The following P3H2 variants were observed in gnomAD, a reference collection of about 807,000 sequenced individuals.
P3H2 encodes leprecan-like 1.
P3H2 carries 80 observed loss-of-function variants against 87.0 expected under a neutral mutation model. The ratio of observed to expected loss-of-function variants is 0.92; its 90% CI spans 0.77 to 1.11. The LOEUF (loss-of-function observed/expected upper bound fraction) is 1.11. P3H2 is among the 50% of genes least tolerant of loss of function. The pLI is 0.00. For synonymous variants in P3H2, 367 were observed against 359.3 expected, an observed-to-expected ratio of 1.02 and a Z score of -0.24; for missense variants, 1,001 against 923.9, an observed-to-expected ratio of 1.08 and a Z score of -1.08.
chr3:189,982,969 T>C (rs982279720), intron 8 of P3H2, 77 bp downstream of exon 8: 35 of 1,100,132 alleles, frequency 3.2e-5, no homozygotes, highest in Non-Finnish European at 4.9e-5. Flanking sequence ...GGGTTCTTCC[T>C]TGATCTGGAA....
At chr3:189,989,172 C>G (rs944103229) in intron 3 of P3H2, 134 bp from the exon 4 acceptor site, 1 of 1,089,622 alleles carries the variant, frequency 9.2e-7, no homozygotes, top group Admixed American at 2.0e-5. Flanking sequence ...TCCTCACTTC[C>G]GGACTGCAAA....
At position 190,120,886 on chromosome 3, in the gene P3H2, G is replaced by T; in HGVS notation, c.-155C>A. ...CCCCAGGTGACCGCCGGCGCTCCGC[G>T]TACTGAGAGGCGGAGGCCGTGCCTG... On this transcript the variant is annotated 5_prime_UTR_variant, in exon 1 of 15. Coordinates refer to ENST00000319332, the MANE Select transcript of P3H2 (RefSeq NM_018192.4). The T allele has an allele frequency of 8.2e-7, 1 of 1,226,152 alleles. No homozygotes were observed. The highest frequency in any genetic ancestry group is 1.7e-5 in the South Asian group (1 of 59,876). 76.0% of individuals were successfully genotyped at this position (1,226,152 alleles called of 1,614,324 possible). A position where few individuals can be genotyped will look rare whatever the true frequency, so the allele number is the denominator to read the frequency against.
intron 1 of P3H2, among the ~76,000 whole-genome samples, chr3:190,016,042 C>T (rs1174992741): frequency 6.6e-6 from 1 of 152,134 alleles, no homozygotes; most frequent in African/African-American, 2.4e-5. Flanking sequence ...TATTAAATGT[C>T]CTTGCTCTTT....
chr3:190,097,551 A>G (rs1265560243), intron 1 of P3H2, among the ~76,000 whole-genome samples: 1 of 151,982 alleles, frequency 6.6e-6, no homozygotes, highest in Non-Finnish European at 1.5e-5. Context: ...TCACAGGTAC[A>G]TATTCCCCTT....
chr3:190,092,866 T>G (rs779888947), intron 1 of P3H2, among the ~76,000 whole-genome samples: 1 of 152,180 alleles, frequency 6.6e-6, no homozygotes, highest in Non-Finnish European at 1.5e-5. Flanking sequence ...AGAACCACAA[T>G]CCATCAATCA....
intron 8 of P3H2, among the ~76,000 whole-genome samples, chr3:189,981,491 A>T (rs1723533131): frequency 6.6e-6 from 1 of 152,198 alleles, no homozygotes; most frequent in Non-Finnish European, 1.5e-5. Flanking sequence ...AGGTAAAAAA[A>T]AATTTTTTTT....
chr3:189,995,438 T>G lies in P3H2; in HGVS notation c.485A>C (p.Asn162Thr), dbSNP rs1724024463. ...TGCTTCCACTGCTTTTTCGAGCTGG[T>G]TAAGCTAAAGAGAAAAAAAAATGAC... is the stretch of plus-strand genomic sequence containing the variant. ...NYLQRAYIKL[N>T]QLEKAVEAAH... is the part of the protein sequence containing the mutation. The change falls in exon 2 of 15, where the codon AAC becomes ACC. Residue 162 changes from asparagine to threonine, a missense_variant. Transcript: ENST00000319332. The G allele has an allele frequency of 6.2e-7, 1 of 1,613,340 alleles. No individual in the cohort carries two copies. Among genetic ancestry groups the G allele is most frequent in the African/African-American group, 1.3e-5 (1 of 74,852 alleles).
intron 1 of P3H2, among the ~76,000 whole-genome samples, chr3:190,076,838 A>T (rs1577311819): frequency 6.6e-6 from 1 of 152,168 alleles, no homozygotes; most frequent in Admixed American, 6.5e-5. Flanking sequence ...AGTAATGATG[A>T]TTCATTTTAT....
At chr3:190,008,828 G>T (rs1423342807) in intron 1 of P3H2, among the ~76,000 whole-genome samples, 4 of 152,132 alleles carry the variant, frequency 2.6e-5, no homozygotes, top group Non-Finnish European at 4.4e-5. Context: ...ACAGTGGGGA[G>T]AAATCTGAGA....
chr3:190,030,180 C>G (rs1725209871), intron 1 of P3H2, among the ~76,000 whole-genome samples: 1 of 151,910 alleles, frequency 6.6e-6, no homozygotes, highest in Non-Finnish European at 1.5e-5. Context: ...ATTCCATACA[C>G]AGAACCTGAA....
intron 1 of P3H2, among the ~76,000 whole-genome samples, chr3:190,015,508 C>T (rs1240001357): frequency 2.0e-5 from 3 of 152,268 alleles, no homozygotes; most frequent in East Asian, 1.9e-4. Flanking sequence ...CCAATACCAG[C>T]GTTCTATGGT....
chr3:190,114,045 A>G (rs1249110925), intron 1 of P3H2, among the ~76,000 whole-genome samples: 1 of 112,828 alleles, frequency 8.9e-6, no homozygotes, highest in African/African-American at 3.7e-5. Flanking sequence ...TCGCCACCAC[A>G]CTCCAGCCTG....
chr3:190,085,358 A>G (rs1031548443), intron 1 of P3H2, among the ~76,000 whole-genome samples: 5 of 152,224 alleles, frequency 3.3e-5, no homozygotes, highest in African/African-American at 9.6e-5. Context: ...GACATACTCA[A>G]AGGTAGCTTA....
intron 1 of P3H2, among the ~76,000 whole-genome samples, chr3:190,064,015 A>G (rs1226866575): frequency 7.3e-6 from 1 of 137,304 alleles, no homozygotes; most frequent in Non-Finnish European, 1.5e-5. Flanking sequence ...TTTTTTTGAG[A>G]CAGGGTCTCA....
At chr3:190,119,999 T>A (rs1224344430) in intron 1 of P3H2, among the ~76,000 whole-genome samples, 1 of 152,130 alleles carries the variant, frequency 6.6e-6, no homozygotes, top group Non-Finnish European at 1.5e-5. Flanking sequence ...ACTTTAAACA[T>A]CACCTTATCA....
At chr3:190,076,143 T>C (rs567880354) in intron 1 of P3H2, among the ~76,000 whole-genome samples, 255 of 150,430 alleles carry the variant, frequency 1.7e-3, no homozygotes, top group African/African-American at 5.7e-3. Flanking sequence ...TTTCCAGCCA[T>C]ATTAAGATAT....
At chr3:190,035,330 T>C (rs1434679905) in intron 1 of P3H2, among the ~76,000 whole-genome samples, 1 of 152,216 alleles carries the variant, frequency 6.6e-6, no homozygotes, top group African/African-American at 2.4e-5. Context: ...TGGTTCATTC[T>C]ATTTAATAGG....
chr3:189,970,191 A>AATATATATATATATATATAT (rs71175322), intron 13 of P3H2, among the ~76,000 whole-genome samples: 1,183 of 53,666 alleles, frequency 0.022, 59 homozygotes, highest in Non-Finnish European at 0.023. Context: ...TATATATGCA[A>AATATATATATATATATATAT]ATATATATAT....
chr3:189,980,477 C>T (rs780996538), intron 8 of P3H2, among the ~76,000 whole-genome samples: 3 of 151,898 alleles, frequency 2.0e-5, no homozygotes, highest in South Asian at 4.2e-4. Context: ...GCAGAAGAAT[C>T]GCTTGAACCC....
Sources: allele counts gnomAD v4.1 joint callset (sites outside exome capture counted in the v4.1 genomes callset), GRCh38; gene constraint gnomAD v4.1.1; transcripts MANE v1.5; gene names NCBI Gene and HGNC (gene_info 2026-07-23, HGNC 2026-07-21).